The following CNBD1 variants were observed in gnomAD, a reference collection of about 807,000 sequenced individuals.
CNBD1 encodes the protein cyclic nucleotide binding domain containing 1.
Under a neutral mutation model 54.4 loss-of-function variants are expected in CNBD1, and 71 were observed. The ratio of observed to expected loss-of-function variants is 1.30; its 90% CI spans 1.08 to 1.59. CNBD1 has a LOEUF of 1.59. Among genes scored for constraint, CNBD1 ranks in the 40% most tolerant of loss-of-function variants. The pLI is 0.00. For synonymous variants in CNBD1, 182 were observed against 170.7 expected, an observed-to-expected ratio of 1.07 and a Z score of -0.51; for missense variants, 659 against 518.0, an observed-to-expected ratio of 1.27 and a Z score of -2.64.
At position 87,241,433 on chromosome 8, in the gene CNBD1, G is replaced by A. The variant is rs187773389; in HGVS notation, c.771+4321G>A. Among the ~76,000 whole-genome samples, 682 of 151,762 alleles carry A rather than the reference G, an allele frequency of 4.5e-3. 4 individuals are homozygous for A. Among genetic ancestry groups the A allele is most frequent in the African/African-American group, 0.016 (641 of 41,284 alleles). On this transcript the variant is annotated intron_variant, in intron 6 of 10. Coordinates refer to ENST00000518476, the MANE Select transcript of CNBD1 (RefSeq NM_173538.3). ...CTACAGGGGCCTGCCACCACGCCTG[G>A]CTAATTTTTTTTGTATTTTTAGTAG...
intron 4 of CNBD1, among the ~76,000 whole-genome samples, chr8:87,159,061 G>A (rs1217526161): frequency 6.6e-6 from 1 of 151,978 alleles, no homozygotes; most frequent in African/African-American, 2.4e-5. Context: ...TGTAGTTAAT[G>A]AGCTGCCAAA....
At chr8:87,343,961 T>C (rs1404056043) in intron 8 of CNBD1, among the ~76,000 whole-genome samples, 1 of 152,120 alleles carries the variant, frequency 6.6e-6, no homozygotes, top group African/African-American at 2.4e-5. Context: ...AATTACTTCC[T>C]ATAAAAGCTC....
chr8:87,395,082 T>A (rs534474256), intron 2 of CNBD1, among the ~76,000 whole-genome samples: 82 of 152,028 alleles, frequency 5.4e-4, no homozygotes, highest in African/African-American at 1.8e-3. Flanking sequence ...TACAATAACA[T>A]AAAGTTAAAT....
At chr8:87,369,184 A>G (rs977613062) in intron 10 of CNBD1, among the ~76,000 whole-genome samples, 2 of 151,954 alleles carry the variant, frequency 1.3e-5, no homozygotes, top group East Asian at 1.9e-4. Flanking sequence ...TTCAATGTTC[A>G]CATGTATTTA....
At chr8:87,307,875 C>A (rs537208369) in intron 8 of CNBD1, among the ~76,000 whole-genome samples, 2 of 151,516 alleles carry the variant, frequency 1.3e-5, no homozygotes, top group Non-Finnish European at 2.9e-5. Flanking sequence ...TAACAATAAA[C>A]AAAATAATTT....
intron 4 of CNBD1, among the ~76,000 whole-genome samples, chr8:87,018,135 C>A (rs1373305732): frequency 6.6e-6 from 1 of 151,992 alleles, no homozygotes; most frequent in Admixed American, 6.6e-5. Context: ...CCCAGCTACT[C>A]GGGAGGCTGA....
intron 6 of CNBD1, among the ~76,000 whole-genome samples, chr8:87,269,960 GA>G (rs1206485563): frequency 6.6e-6 from 1 of 151,896 alleles, no homozygotes; most frequent in Non-Finnish European, 1.5e-5. Context: ...AATGAATAAA[GA>G]AAACTTCAGG....
intron 8 of CNBD1, among the ~76,000 whole-genome samples, chr8:87,337,066 G>A (rs562940824): frequency 1.7e-4 from 26 of 152,246 alleles, no homozygotes; most frequent in Non-Finnish European, 2.2e-4. Context: ...AAAGATGGGT[G>A]CCTGCTCCTT....
At chr8:87,250,173 A>G (rs1156359784) in intron 6 of CNBD1, among the ~76,000 whole-genome samples, 1 of 152,224 alleles carries the variant, frequency 6.6e-6, no homozygotes, top group Non-Finnish European at 1.5e-5. Flanking sequence ...GGATCTGAAT[A>G]GCCATTTCTC....
intron 5 of CNBD1, among the ~76,000 whole-genome samples, chr8:87,229,315 G>C (rs2130818599): frequency 6.6e-6 from 1 of 152,124 alleles, no homozygotes; most frequent in South Asian, 2.1e-4. Context: ...TTAAATACAT[G>C]AAATCGTTTT....
At chr8:87,414,265 C>T (rs1001112093) in intron 2 of CNBD1, among the ~76,000 whole-genome samples, 37 of 151,824 alleles carry the variant, frequency 2.4e-4, no homozygotes, top group Non-Finnish European at 4.1e-4. Flanking sequence ...AGCAAACTAT[C>T]GCAAGGACAA....
chr8:87,184,467 T>G (rs1437429730), intron 4 of CNBD1, among the ~76,000 whole-genome samples: 1 of 152,136 alleles, frequency 6.6e-6, no homozygotes, highest in Non-Finnish European at 1.5e-5. Flanking sequence ...AGTGCTCCTC[T>G]CCAGCCTTTC....
intron 5 of CNBD1, among the ~76,000 whole-genome samples, chr8:87,226,819 T>A (rs1029768367): frequency 6.6e-6 from 1 of 151,454 alleles, no homozygotes; most frequent in African/African-American, 2.4e-5. Context: ...CTCGTTGATC[T>A]GTCTAATGTT....
intron 6 of CNBD1, among the ~76,000 whole-genome samples, chr8:87,244,241 T>C (rs1010399899): frequency 6.6e-6 from 1 of 152,148 alleles, no homozygotes; most frequent in African/African-American, 2.4e-5. Context: ...GACAAATGGC[T>C]GCATTTCTTT....
chr8:87,074,629 C>G (rs1384516383), intron 4 of CNBD1, among the ~76,000 whole-genome samples: 1 of 152,114 alleles, frequency 6.6e-6, no homozygotes, highest in African/African-American at 2.4e-5. Flanking sequence ...AGTGTGGTTT[C>G]CTGGGTGAGG....
At chr8:86,925,219 A>G (rs1157368036) in intron 3 of CNBD1, among the ~76,000 whole-genome samples, 1 of 152,156 alleles carries the variant, frequency 6.6e-6, no homozygotes, top group Non-Finnish European at 1.5e-5. Flanking sequence ...GGAATTTGCC[A>G]ACTTATATCC....
intron 8 of CNBD1, among the ~76,000 whole-genome samples, chr8:87,301,706 G>T: frequency 6.6e-6 from 1 of 152,094 alleles, no homozygotes; most frequent in East Asian, 1.9e-4. Context: ...CCAGGACCTG[G>T]TTTTTTGAAA....
intron 2 of CNBD1, among the ~76,000 whole-genome samples, chr8:87,419,681 T>C (rs191203849): frequency 1.7e-4 from 26 of 151,978 alleles, no homozygotes; most frequent in Middle Eastern, 3.4e-3. Context: ...CAATGTGAAA[T>C]AGAGTATGTG....
At chr8:87,320,696 T>A (rs1231225355) in intron 8 of CNBD1, among the ~76,000 whole-genome samples, 1 of 151,946 alleles carries the variant, frequency 6.6e-6, no homozygotes, top group Non-Finnish European at 1.5e-5. Context: ...CCTTAAAACC[T>A]ATGTGTTTAT....
Sources: allele counts gnomAD v4.1 joint callset (sites outside exome capture counted in the v4.1 genomes callset), GRCh38; gene constraint gnomAD v4.1.1; transcripts MANE v1.5; gene names NCBI Gene and HGNC (gene_info 2026-07-23, HGNC 2026-07-21).